Variants in TSPAN3 observed in about 807,000 individuals in gnomAD.
TSPAN3 encodes tetraspanin-3.
In TSPAN3, 9 loss-of-function variants were observed where a neutral mutation model predicts 31.1. The observed-to-expected ratio is 0.29, with a 90% CI of 0.17 to 0.50. The LOEUF is 0.50. TSPAN3 is among the 20% of genes least tolerant of loss of function. The pLI is 0.98. For synonymous variants in TSPAN3, 129 were observed against 114.3 expected (o/e 1.13, Z -0.82); for missense variants, 252 against 313.5 (o/e 0.80, Z 1.48).
chr15:77,061,574 T>C (rs2076801001), intron 1 of TSPAN3, among the ~76,000 whole-genome samples: 1 of 152,104 alleles, frequency 6.6e-6, no homozygotes, highest in South Asian at 2.1e-4. Context: ...ACTATTAAAT[T>C]CCTTTTCATC....
intron 6 of TSPAN3, among the ~76,000 whole-genome samples, chr15:77,051,109 A>G (rs2076727818): frequency 6.6e-6 from 1 of 152,040 alleles, no homozygotes; most frequent in Non-Finnish European, 1.5e-5. Flanking sequence ...CTTATTGCCC[A>G]GGCTGGTCTC....
At chr15:77,053,073 T>G (rs530411274) in intron 4 of TSPAN3, 144 bp from the exon 5 acceptor site, 1 of 743,380 alleles carries the variant, frequency 1.3e-6, no homozygotes, top group South Asian at 2.1e-5. Context: ...TGATCCAATA[T>G]AGCAGCCACT....
At chr15:77,062,105 T>C (rs947963479) in intron 1 of TSPAN3, among the ~76,000 whole-genome samples, 1 of 152,248 alleles carries the variant, frequency 6.6e-6, no homozygotes, top group Non-Finnish European at 1.5e-5. Context: ...TATATCTTTT[T>C]AACATTAAAT....
At chr15:77,051,692 A>C (rs1386146419) in intron 6 of TSPAN3, among the ~76,000 whole-genome samples, 1 of 151,746 alleles carries the variant, frequency 6.6e-6, no homozygotes, top group African/African-American at 2.4e-5. Context: ...CTGGAAAAAA[A>C]AAAAAAAAAT....
chr15:77,062,606 AAACT>A (rs1355426717), intron 1 of TSPAN3, among the ~76,000 whole-genome samples: 1 of 152,256 alleles, frequency 6.6e-6, no homozygotes. Context: ...GCGGAAGCAC[AAACT>A]AATAGAGAAT....
rs74025049 is a variant in TSPAN3, at chr15:77,052,492, G to A, written c.586-24C>T. The A allele has an allele frequency of 1.1e-3, 1,789 of 1,601,884 alleles. 17 individuals carry two copies. In the African/African-American group the frequency reaches 0.019, roughly 17 times the overall value. On this transcript the variant is annotated intron_variant, in intron 5 of 6. Coordinates refer to ENST00000267970, the MANE Select transcript of TSPAN3 (RefSeq NM_005724.6). ...CCCTGTAACAAACACAGTCATCCTCGTTAGAAGTGTTCTTTAAAAGTTAAA... is the reference window on the plus strand; with the variant it reads ...CCCTGTAACAAACACAGTCATCCTCATTAGAAGTGTTCTTTAAAAGTTAAA...
At chr15:77,056,535 C>T (rs2152696498) in intron 1 of TSPAN3, among the ~76,000 whole-genome samples, 1 of 152,156 alleles carries the variant, frequency 6.6e-6, no homozygotes, top group East Asian at 1.9e-4. Context: ...CTACACATCC[C>T]TAAAGGCTTA....
intron 1 of TSPAN3, among the ~76,000 whole-genome samples, chr15:77,059,121 C>T (rs903245189): frequency 6.6e-6 from 1 of 152,134 alleles, no homozygotes; most frequent in Non-Finnish European, 1.5e-5. Flanking sequence ...CTCACTCAGT[C>T]GCCCAGGCTG....
chr15:77,054,703 C>A (rs2076756696), intron 3 of TSPAN3: 1 of 152,894 alleles, frequency 6.5e-6, no homozygotes, highest in Non-Finnish European at 1.5e-5. Flanking sequence ...GGACAAATGC[C>A]AACATTATTT....
chr15:77,062,094 A>G (rs1027182042), intron 1 of TSPAN3, among the ~76,000 whole-genome samples: 1 of 152,238 alleles, frequency 6.6e-6, no homozygotes, highest in Non-Finnish European at 1.5e-5. Flanking sequence ...CATCTTATGC[A>G]TATATCTTTT....
At chr15:77,050,954 A>T (rs554256527) in intron 6 of TSPAN3, among the ~76,000 whole-genome samples, 6 of 152,342 alleles carry the variant, frequency 3.9e-5, no homozygotes, top group African/African-American at 1.4e-4. Flanking sequence ...CATTAAATAC[A>T]CTAGCTTCTG....
In TSPAN3 at chr15:77,046,006, C is replaced by T. The variant is rs953235572; in HGVS notation, c.*829G>A. 8.2e-5 allele frequency: 13 copies of T among 158,388 alleles called. No homozygotes were observed. The highest frequency in any genetic ancestry group is 2.6e-4 in the African/African-American group (11 of 41,828). The allele number at this position is 158,388 out of a possible 1,614,324, so 9.8% of individuals were successfully genotyped here. A position where few individuals can be genotyped will look rare whatever the true frequency, so the allele number is the denominator to read the frequency against. On this transcript the variant is annotated 3_prime_UTR_variant, in exon 7 of 7. Transcript: ENST00000267970. ...TGCTGCTCTGGAACTGAAATATCCC[C>T]CAAATAATGAAAAATAATATGTTGG...
chr15:77,053,293 C>T (rs1472724580), intron 4 of TSPAN3, among the ~76,000 whole-genome samples: 1 of 151,450 alleles, frequency 6.6e-6, no homozygotes, highest in African/African-American at 2.4e-5. Context: ...GTCAAGAGTT[C>T]AAGACCAGCC....
intron 6 of TSPAN3, among the ~76,000 whole-genome samples, chr15:77,051,842 A>G (rs1366815792): frequency 6.6e-6 from 1 of 152,210 alleles, no homozygotes; most frequent in Non-Finnish European, 1.5e-5. Context: ...TGGGTGACAG[A>G]GTGAGACCTT....
Position 77,070,974 on chromosome 15 carries a change from G to T in TSPAN3, c.-20C>A. 1.4e-6 allele frequency: 2 copies of T among 1,417,372 alleles called. No homozygotes were observed. The highest frequency in any genetic ancestry group is 1.4e-5 in the South Asian group (1 of 69,692). 87.8% of individuals were successfully genotyped at this position (1,417,372 alleles called of 1,614,324 possible). Reference sequence around the variant, plus strand: ...GCCCATGGCGCCGGTGGCCCGCGAAGGCCCGGCCCGGAGAGCGGGGCTGCG... The same window carrying T: ...GCCCATGGCGCCGGTGGCCCGCGAATGCCCGGCCCGGAGAGCGGGGCTGCG... On this transcript the variant is annotated 5_prime_UTR_variant, in exon 1 of 7. Transcript: ENST00000267970.
Position 77,045,175 on chromosome 15 carries a change from G to C in TSPAN3, c.*1660C>G, listed in dbSNP as rs568300362. 1 of 152,062 alleles carries C rather than the reference G, an allele frequency of 6.6e-6. No individual in the cohort carries two copies. Among genetic ancestry groups the C allele is most frequent in the Non-Finnish European group, 1.5e-5 (1 of 68,036 alleles). 9.4% of individuals were successfully genotyped at this position (152,062 alleles called of 1,614,324 possible). Reference sequence around the variant, plus strand: ...CTAGCTCTGTGACTTTGTTTCCCCAGTTGACTGAGCCAGAAACCTGGGACT... The same window carrying C: ...CTAGCTCTGTGACTTTGTTTCCCCACTTGACTGAGCCAGAAACCTGGGACT... On this transcript the variant is annotated 3_prime_UTR_variant, in exon 7 of 7. Transcript: ENST00000267970.
At chr15:77,047,864 G>C (rs1326376004) in intron 6 of TSPAN3, among the ~76,000 whole-genome samples, 1 of 152,038 alleles carries the variant, frequency 6.6e-6, no homozygotes, top group African/African-American at 2.4e-5. Context: ...GTACATTTGG[G>C]GGTCAATCTA....
At position 77,044,875 on chromosome 15, in the gene TSPAN3, T is replaced by C. The variant is rs1323555657; in HGVS notation, c.*1960A>G. The C allele has an allele frequency of 1.3e-5, 2 of 152,048 alleles. No individual in the cohort carries two copies. Among genetic ancestry groups the C allele is most frequent in the Non-Finnish European group, 2.9e-5 (2 of 68,060 alleles). 9.4% of individuals were successfully genotyped at this position (152,048 alleles called of 1,614,324 possible). On this transcript the variant is annotated 3_prime_UTR_variant, in exon 7 of 7. Coordinates refer to ENST00000267970, the MANE Select transcript of TSPAN3 (RefSeq NM_005724.6). ...GGACCATGCTCGGGGGAGGTGGTGGTAGTGAAAGGTCACAAACATTCTTGC... is the reference window on the plus strand; with the variant it reads ...GGACCATGCTCGGGGGAGGTGGTGGCAGTGAAAGGTCACAAACATTCTTGC...
At chr15:77,047,754 T>C (rs1000152616) in intron 6 of TSPAN3, among the ~76,000 whole-genome samples, 3 of 152,174 alleles carry the variant, frequency 2.0e-5, no homozygotes, top group African/African-American at 7.2e-5. Flanking sequence ...TGACCTACCT[T>C]CTCCCAAAAT....
Sources: allele counts gnomAD v4.1 joint callset (sites outside exome capture counted in the v4.1 genomes callset), GRCh38; gene constraint gnomAD v4.1.1; transcripts MANE v1.5; gene names NCBI Gene and HGNC (gene_info 2026-07-23, HGNC 2026-07-21).